SLC25A23: variants seen among roughly 807,000 people sequenced by gnomAD.
SLC25A23 encodes the protein mitochondrial adenyl nucleotide antiporter SLC25A23.
Under a neutral mutation model 53.9 loss-of-function variants are expected in SLC25A23, and 32 were observed. That is an observed-to-expected ratio of 0.59 (90% CI 0.45 to 0.80). The LOEUF (loss-of-function observed/expected upper bound fraction) is 0.80, where lower values mean the gene tolerates loss of function less well. Ranked by LOEUF, SLC25A23 falls within the 30% of genes least tolerant of loss-of-function variation. SLC25A23 has a pLI of 0.00. For missense variants in SLC25A23, 575 were observed against 651.4 expected (o/e 0.88, Z 1.28); for synonymous variants, 275 against 264.5 (o/e 1.04, Z -0.38).
intron 8 of SLC25A23, among the ~76,000 whole-genome samples, chr19:6,445,727 A>C (rs2092493446): frequency 6.6e-6 from 1 of 152,110 alleles, no homozygotes; most frequent in South Asian, 2.1e-4. Flanking sequence ...GTTTGCTTGC[A>C]AGAAGGGTAA....
rs1197074681 is a variant in SLC25A23, at chr19:6,452,302, G to A, written c.1071+10C>T. The A allele has an allele frequency of 1.2e-6, 2 of 1,606,224 alleles. No homozygotes were observed. The highest frequency in any genetic ancestry group is 3.4e-5 in the Admixed American group (2 of 59,028). On this transcript the variant is annotated intron_variant, in intron 8 of 9. Coordinates refer to ENST00000301454, the MANE Select transcript of SLC25A23 (RefSeq NM_024103.3). ...GGGAGCAGGGAAAGAGGAACGCGCT[G>A]CCCACAGACCTCGTAGACGGCCAGG...
downstream of SLC25A23, among the ~76,000 whole-genome samples, chr19:6,437,741 G>A (rs577211669): frequency 1.1e-4 from 16 of 150,864 alleles, no homozygotes; most frequent in Non-Finnish European, 1.8e-4. Context: ...CCCAGGAGGC[G>A]GAGCTTGCAG....
In SLC25A23 at chr19:6,441,892, G is replaced by T; in HGVS notation, c.*83C>A. The T allele has an allele frequency of 7.4e-7, 1 of 1,360,086 alleles. No homozygotes were observed. The highest frequency in any genetic ancestry group is 1.0e-6 in the Non-Finnish European group (1 of 967,962). 84.3% of individuals were successfully genotyped at this position (1,360,086 alleles called of 1,614,324 possible). Reference sequence around the variant, plus strand: ...GGTACTGGGATCTCGTGGCCAAAGAGTAGGGATCCTGTGGTTGGATCATCA... The same window carrying T: ...GGTACTGGGATCTCGTGGCCAAAGATTAGGGATCCTGTGGTTGGATCATCA... On this transcript the variant is annotated 3_prime_UTR_variant, in exon 10 of 10. Coordinates refer to ENST00000301454, the MANE Select transcript of SLC25A23 (RefSeq NM_024103.3).
At chr19:6,439,393 T>TCACA (rs1336047683), downstream of SLC25A23, among the ~76,000 whole-genome samples, 17 of 129,506 alleles carry the variant, frequency 1.3e-4, no homozygotes, top group African/African-American at 5.1e-4. Flanking sequence ...TATCTCTCTC[T>TCACA]CTCTCTCACA....
At position 6,459,072 on chromosome 19, in the gene SLC25A23, C is replaced by G. The variant is rs748962911; in HGVS notation, c.156+401G>C. On this transcript the variant is annotated intron_variant, in intron 1 of 9. Transcript: ENST00000301454. This position sits in a 1 kb window ranked among gnomAD's most constrained non-coding sequence, Gnocchi z 4.6. ...GGCCAGGGAATGTAAACACAGGGAT[C>G]GGGGCAGCTGCAGGCCAGGGCAGTA... Among the ~76,000 whole-genome samples, 1 of 152,168 alleles carries G rather than the reference C, an allele frequency of 6.6e-6. No homozygotes were observed. Among genetic ancestry groups the G allele is most frequent in the Non-Finnish European group, 1.5e-5 (1 of 68,014 alleles).
chr19:6,458,291 C>T lies in SLC25A23; in HGVS notation c.190G>A (p.Gly64Ser). 6.2e-7 allele frequency: 1 copy of T among 1,613,244 alleles called. No individual in the cohort carries two copies. Among genetic ancestry groups the T allele is most frequent in the South Asian group, 1.1e-5 (1 of 91,062 alleles). Reference sequence around the variant, plus strand: ...GAAAATTCCTCCAGGTCGAGCCCGCCATCTGGGTCAGCATCACCCTCAGAG... The same window carrying T: ...GAAAATTCCTCCAGGTCGAGCCCGCTATCTGGGTCAGCATCACCCTCAGAG... The part of the protein sequence containing the change: ...ISSEGDADPD[G>S]GLDLEEFSRY... The change falls in exon 2 of 10, where the codon GGC (glycine) becomes AGC (serine). Residue 64 changes from glycine to serine, a missense_variant. Transcript: ENST00000301454.
At chr19:6,453,239 GTT>G (rs34113509) in intron 7 of SLC25A23, among the ~76,000 whole-genome samples, 1,852 of 124,974 alleles carry the variant, frequency 0.015, 34 homozygotes, top group African/African-American at 0.053. Flanking sequence ...TGTGATTGAA[GTT>G]TTTTTTTTTT....
chr19:6,444,831 C>T (rs1158616422), intron 8 of SLC25A23, among the ~76,000 whole-genome samples: 1 of 151,486 alleles, frequency 6.6e-6, no homozygotes, highest in South Asian at 2.1e-4. Context: ...CCACACCTGG[C>T]TAATTTTTTG....
downstream of SLC25A23, among the ~76,000 whole-genome samples, chr19:6,437,831 C>T (rs530175767): frequency 6.8e-5 from 10 of 147,196 alleles, no homozygotes; most frequent in African/African-American, 1.5e-4. Flanking sequence ...AGGCCGGGCG[C>T]GGTGGCTCAT....
Position 6,441,944 on chromosome 19 carries a change from T to C in SLC25A23, c.*31A>G, listed in dbSNP as rs753324787. 6.3e-7 allele frequency: 1 copy of C among 1,583,052 alleles called. No individual in the cohort carries two copies. Among genetic ancestry groups the C allele is most frequent in the Non-Finnish European group, 8.6e-7 (1 of 1,162,660 alleles). On this transcript the variant is annotated 3_prime_UTR_variant, in exon 10 of 10. Transcript: ENST00000301454. ...TCTCCAGTGGCTGAGGTGTGGGGGG[T>C]GAGGGATTGGGGGGACGGGCTCCGG...
At chr19:6,453,239 G>T (rs966931854) in intron 7 of SLC25A23, among the ~76,000 whole-genome samples, 3 of 125,012 alleles carry the variant, frequency 2.4e-5, no homozygotes, top group Admixed American at 8.4e-5. Context: ...TGTGATTGAA[G>T]TTTTTTTTTT....
intron 8 of SLC25A23, 34 bp from the exon 9 acceptor site, chr19:6,444,335 T>TGGGTTGGGGG: frequency 7.3e-6 from 6 of 826,934 alleles, no homozygotes; most frequent in East Asian, 3.6e-5. Context: ...AGGGTTGGGG[T>TGGGTTGGGGG]GGGTGACCCT....
chr19:6,446,501 C>T (rs2092507002), intron 8 of SLC25A23, among the ~76,000 whole-genome samples: 1 of 152,202 alleles, frequency 6.6e-6, no homozygotes, highest in Admixed American at 6.5e-5. Flanking sequence ...AAAGACTTTG[C>T]TTGTGGACTT....
chr19:6,439,072 A>C (rs1723078607), downstream of SLC25A23, among the ~76,000 whole-genome samples: 1 of 149,798 alleles, frequency 6.7e-6, no homozygotes, highest in African/African-American at 2.5e-5. Flanking sequence ...AACAAACAAA[A>C]AGTTGGGCAT....
At chr19:6,453,697 G>C (rs6510901) in intron 7 of SLC25A23, among the ~76,000 whole-genome samples, 4,280 of 152,190 alleles carry the variant, frequency 0.028, 205 homozygotes, top group African/African-American at 0.096. Context: ...CGACGTCCCT[G>C]GGAACGTGCA....
At position 6,456,534 on chromosome 19, in the gene SLC25A23, G is replaced by T. The variant is rs372136336; in HGVS notation, c.372-3C>A. On this transcript the variant is annotated splice_polypyrimidine_tract_variant and splice_region_variant and intron_variant, in intron 3 of 9. Transcript: ENST00000301454. ...TCATTGTGCCGTCTCGGTCCATGCT[G>T]GGGGGAAGAAAGGGGGTGGAGGAGG... 5.0e-5 allele frequency: 80 copies of T among 1,612,586 alleles called. No homozygotes were observed. The highest frequency in any genetic ancestry group is 1.2e-4 in the Admixed American group (7 of 59,978).
intron 4 of SLC25A23, among the ~76,000 whole-genome samples, chr19:6,455,403 A>G (rs348365): frequency 0.5 from 76,148 of 151,702 alleles, 20,213 homozygotes; most frequent in African/African-American, 0.69. Context: ...TCCCCTATAA[A>G]GACCCCAGCA....
At chr19:6,446,910 CAG>C (rs2092513203) in intron 8 of SLC25A23, among the ~76,000 whole-genome samples, 1 of 151,580 alleles carries the variant, frequency 6.6e-6, no homozygotes, top group East Asian at 1.9e-4. Flanking sequence ...AGGAGAAAGA[CAG>C]AGACACACAC....
rs2092411741 is a variant in SLC25A23 at position 6,440,881 on chromosome 19, G to A, written c.*1094C>T. On this transcript the variant is annotated 3_prime_UTR_variant, in exon 10 of 10. Coordinates refer to ENST00000301454, the MANE Select transcript of SLC25A23 (RefSeq NM_024103.3). ...CCTGAACATTTGGGACCCGGCGCCTGGAAGATTCAGATCAGAAACCGGGGA... is the reference window on the plus strand; with the variant it reads ...CCTGAACATTTGGGACCCGGCGCCTAGAAGATTCAGATCAGAAACCGGGGA... 2 of 152,346 alleles carry A rather than the reference G, an allele frequency of 1.3e-5. No homozygotes were observed. The highest frequency in any genetic ancestry group is 6.8e-3 in the Middle Eastern group (2 of 296). 9.4% of individuals were successfully genotyped at this position (152,346 alleles called of 1,614,324 possible).
Sources: allele counts gnomAD v4.1 joint callset (sites outside exome capture counted in the v4.1 genomes callset), GRCh38; gene constraint gnomAD v4.1.1; non-coding constraint Gnocchi (gnomAD v3.1); transcripts MANE v1.5; gene names NCBI Gene and HGNC (gene_info 2026-07-23, HGNC 2026-07-21).